COL27A1: variants seen among roughly 807,000 people sequenced by gnomAD.
COL27A1 encodes collagen alpha-1(XXVII) chain.
In COL27A1, 106 loss-of-function variants were observed where a neutral mutation model predicts 251.3. That is an observed-to-expected ratio of 0.42 (90% CI 0.36 to 0.50). The LOEUF (loss-of-function observed/expected upper bound fraction) is 0.50. COL27A1 is among the 20% of genes least tolerant of loss of function. The pLI is 0.00. For synonymous variants in COL27A1, 1,000 were observed against 986.3 expected, an observed-to-expected ratio of 1.01 and a Z score of -0.26; for missense variants, 2,325 against 2,522.8, an observed-to-expected ratio of 0.92 and a Z score of 1.68.
chr9:114,282,596 A>G, intron 39 of COL27A1, 32 bp downstream of exon 39: 1 of 1,389,226 alleles, frequency 7.2e-7, no homozygotes, highest in Non-Finnish European at 9.7e-7. Context: ...TGGGGGAGTC[A>G]GATGTGGAAT....
Position 114,310,948 on chromosome 9 carries a change from C to A in COL27A1, c.*253C>A, listed in dbSNP as rs1003726795. 26 of 412,910 alleles carry A rather than the reference C, an allele frequency of 6.3e-5. No homozygotes were observed. The highest frequency in any genetic ancestry group is 3.6e-4 in the African/African-American group (18 of 50,562). 25.6% of individuals were successfully genotyped at this position (412,910 alleles called of 1,614,324 possible). A position where few individuals can be genotyped will look rare whatever the true frequency, so the allele number is the denominator to read the frequency against. On this transcript the variant is annotated 3_prime_UTR_variant, in exon 61 of 61. Transcript: ENST00000356083. The stretch of plus-strand genomic sequence containing the variant: ...CAGCCAGAGTAAGCTGGACCTGCAA[C>A]CTGCCTGAGCCCCGTGGCCTCTCAG...
At chr9:114,186,493 A>G (rs554818090) in intron 5 of COL27A1, among the ~76,000 whole-genome samples, 1 of 152,312 alleles carries the variant, frequency 6.6e-6, no homozygotes, top group East Asian at 1.9e-4. Flanking sequence ...TTAGGTCTCT[A>G]GGGCTCCATG....
intron 36 of COL27A1, chr9:114,271,139 C>T: frequency 3.8e-6 from 1 of 266,258 alleles, no homozygotes; most frequent in South Asian, 6.9e-5. Context: ...TCTAGAAGGT[C>T]AGGAAAATAA....
At chr9:114,272,677 A>G (rs1835227637) in intron 36 of COL27A1, 1 of 152,242 alleles carries the variant, frequency 6.6e-6, no homozygotes, top group Non-Finnish European at 1.5e-5. Context: ...CACATGCCAG[A>G]CACACTGCTA....
intron 4 of COL27A1, among the ~76,000 whole-genome samples, chr9:114,178,550 C>T (rs1012668078): frequency 6.6e-6 from 1 of 152,156 alleles, no homozygotes; most frequent in Non-Finnish European, 1.5e-5. Flanking sequence ...GCAATGACCT[C>T]TTGTAGGTCT....
intron 12 of COL27A1, chr9:114,217,983 G>A (rs914754145): frequency 3.9e-5 from 14 of 362,648 alleles, no homozygotes; most frequent in Non-Finnish European, 7.6e-5. Flanking sequence ...GTGTAGTGGT[G>A]TGCATCTGTA....
At chr9:114,191,448 G>A (rs1221515647) in intron 5 of COL27A1, among the ~76,000 whole-genome samples, 1 of 152,020 alleles carries the variant, frequency 6.6e-6, no homozygotes, top group Non-Finnish European at 1.5e-5. Context: ...AGGCCCCAGT[G>A]TATGTTGTTC....
At chr9:114,289,099 T>C in intron 44 of COL27A1, 132 bp downstream of exon 44, 1 of 1,382,276 alleles carries the variant, frequency 7.2e-7, no homozygotes, top group Non-Finnish European at 1.0e-6. Flanking sequence ...CCATTTCTGT[T>C]TCTCCTGCCC....
intron 28 of COL27A1, among the ~76,000 whole-genome samples, chr9:114,261,042 C>G (rs114966086): frequency 0.036 from 5,486 of 152,318 alleles, 132 homozygotes; most frequent in Non-Finnish European, 0.047. Flanking sequence ...TTCACTTCCC[C>G]CTCCGTAAAA....
chr9:114,187,035 G>A (rs923236270), intron 5 of COL27A1, among the ~76,000 whole-genome samples: 1 of 152,244 alleles, frequency 6.6e-6, no homozygotes, highest in East Asian at 1.9e-4. Context: ...GGTCCACTTG[G>A]TCTGCAGTGA....
chr9:114,166,377 A>ATCCATCCATCCG (rs1554786344), intron 2 of COL27A1, among the ~76,000 whole-genome samples: 1 of 149,040 alleles, frequency 6.7e-6, no homozygotes, highest in Non-Finnish European at 1.5e-5. Flanking sequence ...CAATCCATCC[A>ATCCATCCATCCG]TCCATCCATC....
chr9:114,307,516 C>T (rs192493524), intron 58 of COL27A1, 153 bp from the exon 59 acceptor site: 22 of 633,608 alleles, frequency 3.5e-5, no homozygotes, highest in Admixed American at 1.3e-4. Flanking sequence ...TTCCTTCCAT[C>T]TCGGTTGGAG....
rs201874030 is a variant in COL27A1, at chr9:114,237,013, A to G, written c.2652A>G (p.Ala884=). 1.2e-6 allele frequency: 2 copies of G among 1,611,518 alleles called. No individual in the cohort carries two copies. Among genetic ancestry groups the G allele is most frequent in the East Asian group, 4.5e-5 (2 of 44,792 alleles). The change falls in exon 18 of 61, where the codon GCA becomes GCG. Residue 884 remains alanine (A), a synonymous_variant. Coordinates refer to ENST00000356083, the MANE Select transcript of COL27A1 (RefSeq NM_032888.4). ...GSQGLPGFPG[A]RGKPGPLGKV... The stretch of plus-strand genomic sequence containing the variant: ...AGGGGTTGCCAGGGTTCCCCGGTGC[A>G]CGGGGGAAGCCAGGGCCTCTGGTAA...
At position 114,157,310 on chromosome 9, in the gene COL27A1, C is replaced by A. The variant is rs114275357; in HGVS notation, c.62+1298C>A. Among the ~76,000 whole-genome samples, 463 of 152,342 alleles carry A rather than the reference C, an allele frequency of 3.0e-3. 4 individuals carry two copies. Among genetic ancestry groups the A allele is most frequent in the African/African-American group, 0.011 (456 of 41,576 alleles). ...TGCCTCCCTGCCTCCCTTGACATCA[C>A]GTTGTCCTGCATCATGTGCGCTCTG... On this transcript the variant is annotated intron_variant, in intron 1 of 60. Coordinates refer to ENST00000356083, the MANE Select transcript of COL27A1 (RefSeq NM_032888.4).
intron 13 of COL27A1, among the ~76,000 whole-genome samples, chr9:114,221,831 A>G (rs1831130783): frequency 6.6e-6 from 1 of 152,184 alleles, no homozygotes; most frequent in Non-Finnish European, 1.5e-5. Flanking sequence ...TGGCTTTGTC[A>G]TTTCCTTGCA....
chr9:114,169,603 G>T, intron 3 of COL27A1, 140 bp downstream of exon 3: 1 of 595,462 alleles, frequency 1.7e-6, no homozygotes, highest in Admixed American at 3.4e-5. Flanking sequence ...CTTGGCTCCA[G>T]CCAGGCCCCC....
Position 114,167,680 on chromosome 9 carries a change from C to G in COL27A1, c.134-9C>G. 6.2e-7 allele frequency: 1 copy of G among 1,600,828 alleles called. No individual in the cohort carries two copies. On this transcript the variant is annotated splice_polypyrimidine_tract_variant and intron_variant, in intron 2 of 60. Coordinates refer to ENST00000356083, the MANE Select transcript of COL27A1 (RefSeq NM_032888.4). ...GACTGCGTCCTCTCCCCTTTTCCCT[C>G]CCTCTCAGATGTGGACATCCTCCAG...
Position 114,240,135 on chromosome 9 carries a change from C to T in COL27A1, c.2728-85C>T. 6.5e-6 allele frequency: 8 copies of T among 1,236,412 alleles called. No individual in the cohort carries two copies. The South Asian group carries it at 8.4e-5, about 13-fold the overall frequency. The allele number at this position is 1,236,412 out of a possible 1,614,324, so 76.6% of individuals were successfully genotyped here. A position where few individuals can be genotyped will look rare whatever the true frequency, so the allele number is the denominator to read the frequency against. ...CCATCCCAGCAGGATGAGATGGAAA[C>T]CCGGTCAGTCTCCCTGCAAGACGCA... On this transcript the variant is annotated intron_variant, in intron 19 of 60. Coordinates refer to ENST00000356083, the MANE Select transcript of COL27A1 (RefSeq NM_032888.4).
At chr9:114,267,386 T>C in intron 33 of COL27A1, 118 bp from the exon 34 acceptor site, 1 of 762,430 alleles carries the variant, frequency 1.3e-6, no homozygotes, top group South Asian at 1.9e-5. Context: ...CACCTCTGCA[T>C]CTCTTGCACT....
Sources: allele counts gnomAD v4.1 joint callset (sites outside exome capture counted in the v4.1 genomes callset), GRCh38; gene constraint gnomAD v4.1.1; transcripts MANE v1.5; gene names NCBI Gene and HGNC (gene_info 2026-07-23, HGNC 2026-07-21).